MYRIP: variants seen among roughly 807,000 people sequenced by gnomAD.
MYRIP encodes myosin VIIA and Rab interacting protein.
Under a neutral mutation model 98.0 loss-of-function variants are expected in MYRIP, and 49 were observed. That is an observed-to-expected ratio of 0.50 (90% CI 0.40 to 0.63). The LOEUF (loss-of-function observed/expected upper bound fraction) is 0.63, where lower values mean the gene tolerates loss of function less well. Among genes scored for constraint, MYRIP ranks in the 30% least tolerant of loss-of-function variants. The probability of loss-of-function intolerance (pLI) is 0.00; values close to 1 mark genes in which losing one functional copy is unlikely to be tolerated. For missense variants in MYRIP, 1,004 were observed against 1,058.2 expected, an observed-to-expected ratio of 0.95 and a Z score of 0.71; for synonymous variants, 404 against 409.5, an observed-to-expected ratio of 0.99 and a Z score of 0.16.
chr3:39,928,510 C>T (rs1380401700), intron 2 of MYRIP, among the ~76,000 whole-genome samples: 3 of 151,442 alleles, frequency 2.0e-5, no homozygotes, highest in African/African-American at 7.3e-5. Flanking sequence ...TTCAGAGATG[C>T]AAAGCTGGTT....
intron 3 of MYRIP, among the ~76,000 whole-genome samples, chr3:40,073,526 G>C (rs1336277190): frequency 6.6e-6 from 1 of 152,178 alleles, no homozygotes; most frequent in Non-Finnish European, 1.5e-5. Context: ...CATGCTGCGG[G>C]GCTCAGTGAT....
chr3:40,064,809 T>A (rs780404509), intron 3 of MYRIP, among the ~76,000 whole-genome samples: 4 of 152,148 alleles, frequency 2.6e-5, no homozygotes, highest in Non-Finnish European at 4.4e-5. Context: ...AAAATCCTCA[T>A]CCTGGGACTT....
chr3:39,848,014 C>T (rs1288869214), intron 1 of MYRIP, among the ~76,000 whole-genome samples: 2 of 152,128 alleles, frequency 1.3e-5, no homozygotes, highest in Non-Finnish European at 1.5e-5. Context: ...ATTGTAATAC[C>T]GTTGAAGGCT....
At chr3:40,031,052 G>A (rs985160808) in intron 2 of MYRIP, among the ~76,000 whole-genome samples, 8 of 152,060 alleles carry the variant, frequency 5.3e-5, no homozygotes, top group Non-Finnish European at 1.0e-4. Flanking sequence ...CTATTTGGCC[G>A]CTATAACAAA....
chr3:40,015,097 T>C (rs1946832655), intron 2 of MYRIP, among the ~76,000 whole-genome samples: 1 of 152,200 alleles, frequency 6.6e-6, no homozygotes, highest in South Asian at 2.1e-4. Context: ...CCTCAACTTT[T>C]AGTGGATCTG....
chr3:39,957,545 A>T (rs1190498123), intron 2 of MYRIP, among the ~76,000 whole-genome samples: 1 of 152,186 alleles, frequency 6.6e-6, no homozygotes. Context: ...AATAAGAGCT[A>T]TTTATGACAA....
intron 3 of MYRIP, among the ~76,000 whole-genome samples, chr3:40,112,920 A>C (rs1295727615): frequency 6.6e-6 from 1 of 152,154 alleles, no homozygotes; most frequent in African/African-American, 2.4e-5. Context: ...AACTATTAAA[A>C]TCTATTATAT....
At chr3:40,188,479 GAAA>G (rs35216480) in intron 9 of MYRIP, among the ~76,000 whole-genome samples, 1 of 137,652 alleles carries the variant, frequency 7.3e-6, no homozygotes, top group Non-Finnish European at 1.6e-5. Flanking sequence ...TGGTTAAAAG[GAAA>G]AAAAAAAAAA....
intron 11 of MYRIP, among the ~76,000 whole-genome samples, chr3:40,213,353 T>G (rs545959254): frequency 5.9e-5 from 9 of 152,296 alleles, no homozygotes; most frequent in African/African-American, 1.9e-4. Context: ...CAGCAAATCT[T>G]AATTATTGTA....
intron 11 of MYRIP, among the ~76,000 whole-genome samples, chr3:40,232,059 A>G (rs1032865076): frequency 1.3e-5 from 2 of 152,196 alleles, no homozygotes; most frequent in Admixed American, 1.3e-4. Context: ...TAAGGTGAAG[A>G]GTTGGCTCTG....
At chr3:39,924,877 A>C (rs980752677) in intron 2 of MYRIP, among the ~76,000 whole-genome samples, 1 of 152,010 alleles carries the variant, frequency 6.6e-6, no homozygotes, top group Non-Finnish European at 1.5e-5. Flanking sequence ...GTCAAGGAGG[A>C]AGTCTGAAAG....
chr3:39,973,299 CAAAG>C (rs1370614391), intron 2 of MYRIP, among the ~76,000 whole-genome samples: 2 of 152,006 alleles, frequency 1.3e-5, no homozygotes, highest in Non-Finnish European at 2.9e-5. Context: ...TCAAAAGAGA[CAAAG>C]AAGGCCATTA....
At chr3:40,056,568 A>T (rs925008294) in intron 3 of MYRIP, among the ~76,000 whole-genome samples, 2 of 152,130 alleles carry the variant, frequency 1.3e-5, no homozygotes, top group African/African-American at 4.8e-5. Flanking sequence ...TTATTTAACA[A>T]CCACTATGTG....
At chr3:39,864,636 A>G (rs1403702752) in intron 1 of MYRIP, among the ~76,000 whole-genome samples, 2 of 152,106 alleles carry the variant, frequency 1.3e-5, no homozygotes, top group East Asian at 3.9e-4. Context: ...AAACACTGCT[A>G]AAAGAAATCT....
At chr3:40,211,332 T>G (rs1448478085) in intron 11 of MYRIP, among the ~76,000 whole-genome samples, 1 of 152,210 alleles carries the variant, frequency 6.6e-6, no homozygotes, top group Non-Finnish European at 1.5e-5. Flanking sequence ...AGGAGCTGCC[T>G]TCATCTGCCC....
intron 3 of MYRIP, among the ~76,000 whole-genome samples, chr3:40,147,435 T>C (rs1198480119): frequency 6.6e-6 from 1 of 152,178 alleles, no homozygotes; most frequent in Non-Finnish European, 1.5e-5. Flanking sequence ...CAAATGCACA[T>C]GTCTTGACCG....
At chr3:39,977,123 T>A (rs571534003) in intron 2 of MYRIP, among the ~76,000 whole-genome samples, 2,455 of 151,298 alleles carry the variant, frequency 0.016, 23 homozygotes, top group African/African-American at 0.035. Context: ...AGGTTTATTT[T>A]AAAAAAAAAC....
chr3:40,025,690 C>T (rs149748806), intron 2 of MYRIP, among the ~76,000 whole-genome samples: 2 of 152,086 alleles, frequency 1.3e-5, no homozygotes, highest in Non-Finnish European at 2.9e-5. Flanking sequence ...ACAGCTGGGC[C>T]ACGGAGGGTG....
At chr3:40,255,619 CAAG>C (rs1953559686) in intron 16 of MYRIP, among the ~76,000 whole-genome samples, 1 of 151,968 alleles carries the variant, frequency 6.6e-6, no homozygotes, top group South Asian at 2.1e-4. Flanking sequence ...TGAGAGAAAA[CAAG>C]GAGGAAAGAT....
Sources: gnomAD v4.1 joint callset for allele counts (sites outside exome capture counted in the v4.1 genomes callset) on GRCh38, gnomAD v4.1.1 for gene constraint, MANE v1.5 for transcripts, NCBI Gene and HGNC (gene_info 2026-07-23, HGNC 2026-07-21) for gene names.